The following BCHE variants were observed in gnomAD, a reference collection of about 807,000 sequenced individuals.
BCHE encodes the protein butyrylcholinesterase.
In BCHE, 48 loss-of-function variants were observed where a neutral mutation model predicts 51.3. The ratio of observed to expected loss-of-function variants is 0.94; its 90% CI spans 0.74 to 1.19. The LOEUF (loss-of-function observed/expected upper bound fraction) is 1.19, where lower values mean the gene tolerates loss of function less well. Ranked by LOEUF, BCHE falls within the 50% of genes most tolerant of loss-of-function variation. The probability of loss-of-function intolerance (pLI) is 0.00; values close to 1 mark genes in which losing one functional copy is unlikely to be tolerated. For synonymous variants in BCHE, 251 were observed against 238.0 expected, an observed-to-expected ratio of 1.05 and a Z score of -0.50; for missense variants, 847 against 708.2, an observed-to-expected ratio of 1.20 and a Z score of -2.23.
At chr3:165,810,665 C>T (rs1296175460) in intron 2 of BCHE, among the ~76,000 whole-genome samples, 1 of 152,076 alleles carries the variant, frequency 6.6e-6, no homozygotes, top group Non-Finnish European at 1.5e-5. Context: ...TGTTCGTTAG[C>T]TCTGTTTTGG....
chr3:165,816,742 A>T (rs1005345019), intron 2 of BCHE, among the ~76,000 whole-genome samples: 8 of 151,956 alleles, frequency 5.3e-5, no homozygotes, highest in African/African-American at 1.9e-4. Flanking sequence ...ATGTTCTCCT[A>T]GTTGCCCTCC....
chr3:165,802,694 G>A (rs1388462978), intron 2 of BCHE, among the ~76,000 whole-genome samples: 1 of 151,294 alleles, frequency 6.6e-6, no homozygotes, highest in East Asian at 1.9e-4. Flanking sequence ...GCATTTACAT[G>A]ATGTTTAATG....
intron 2 of BCHE, among the ~76,000 whole-genome samples, chr3:165,797,479 C>G (rs1021411694): frequency 6.6e-6 from 1 of 150,568 alleles, no homozygotes; most frequent in East Asian, 2.0e-4. Flanking sequence ...CCATTTTCAT[C>G]TTCCAGAGAC....
rs201791118 is a variant in BCHE at position 165,798,271 on chromosome 3, C to CTGTGTG, written c.1518-11966_1518-11961dup. Among the ~76,000 whole-genome samples the CTGTGTG allele has an allele frequency of 4.7e-5, 7 of 150,292 alleles. No homozygotes were observed. In the East Asian group the frequency reaches 1.2e-3, roughly 25 times the overall value. On this transcript the variant is annotated intron_variant, in intron 2 of 3. Transcript: ENST00000264381. ...TCAAATGAAAAATCAAAGTGTGTGT[C>CTGTGTG]TGTGTGTGTGTGTGTGTAGGTGTAT...
chr3:165,814,056 A>G (rs1386352264), intron 2 of BCHE, among the ~76,000 whole-genome samples: 1 of 152,020 alleles, frequency 6.6e-6, no homozygotes, highest in Non-Finnish European at 1.5e-5. Context: ...TCATTATAAT[A>G]AATATAGGTA....
chr3:165,811,087 T>C (rs998737909), intron 2 of BCHE, among the ~76,000 whole-genome samples: 1 of 152,124 alleles, frequency 6.6e-6, no homozygotes, highest in South Asian at 2.1e-4. Context: ...AATCTTTATT[T>C]TAAAAAATCA....
At chr3:165,801,049 T>A (rs1318412996) in intron 2 of BCHE, among the ~76,000 whole-genome samples, 1 of 152,170 alleles carries the variant, frequency 6.6e-6, no homozygotes, top group East Asian at 1.9e-4. Context: ...AAAGCCAACC[T>A]TCCTTCCTGC....
At chr3:165,820,672 T>C (rs1714482757) in intron 2 of BCHE, among the ~76,000 whole-genome samples, 1 of 151,970 alleles carries the variant, frequency 6.6e-6, no homozygotes, top group African/African-American at 2.4e-5. Flanking sequence ...CGTGAACTAT[T>C]ATCTGTCGGA....
chr3:165,821,706 C>A (rs1039738392), intron 2 of BCHE, among the ~76,000 whole-genome samples: 2 of 151,680 alleles, frequency 1.3e-5, no homozygotes, highest in African/African-American at 4.8e-5. Context: ...AAAATTGATT[C>A]CTTTAGGAAT....
intron 1 of BCHE, among the ~76,000 whole-genome samples, chr3:165,836,002 G>T (rs1412913672): frequency 6.6e-6 from 1 of 151,796 alleles, no homozygotes; most frequent in Non-Finnish European, 1.5e-5. Context: ...ATCAAGAAAT[G>T]ACTCGAAGAA....
At chr3:165,800,439 T>G (rs1011716500) in intron 2 of BCHE, among the ~76,000 whole-genome samples, 1 of 152,126 alleles carries the variant, frequency 6.6e-6, no homozygotes, top group Non-Finnish European at 1.5e-5. Flanking sequence ...AAGAGAAATA[T>G]GTCTTTATTA....
At chr3:165,785,814 T>G (rs1218110307) in intron 3 of BCHE, among the ~76,000 whole-genome samples, 2 of 151,746 alleles carry the variant, frequency 1.3e-5, no homozygotes, top group Admixed American at 6.6e-5. Flanking sequence ...ATTTATTTCT[T>G]TGTCCATTAA....
At chr3:165,790,475 G>A (rs1713125351) in intron 2 of BCHE, among the ~76,000 whole-genome samples, 1 of 152,180 alleles carries the variant, frequency 6.6e-6, no homozygotes, top group African/African-American at 2.4e-5. Flanking sequence ...TAAGAAAACT[G>A]TCATTGTAAT....
chr3:165,796,054 A>G (rs1162171186), intron 2 of BCHE, among the ~76,000 whole-genome samples: 4 of 152,176 alleles, frequency 2.6e-5, no homozygotes, highest in African/African-American at 9.6e-5. Context: ...TAAACTTTCT[A>G]GGAAATAAAA....
intron 2 of BCHE, among the ~76,000 whole-genome samples, chr3:165,827,176 A>G (rs1212549638): frequency 5.3e-5 from 8 of 152,154 alleles, no homozygotes; most frequent in Admixed American, 5.2e-4. Flanking sequence ...CTTTGAAAGT[A>G]GATAACGAAC....
At chr3:165,785,710 A>G (rs146082821) in intron 3 of BCHE, among the ~76,000 whole-genome samples, 261 of 151,582 alleles carry the variant, frequency 1.7e-3, no homozygotes, top group African/African-American at 6.1e-3. Flanking sequence ...TTTTTTCTCC[A>G]TTTAAATCAA....
intron 2 of BCHE, among the ~76,000 whole-genome samples, chr3:165,820,237 T>C (rs1714464201): frequency 1.3e-5 from 2 of 152,124 alleles, no homozygotes; most frequent in South Asian, 4.1e-4. Flanking sequence ...CATTCCACTG[T>C]CATTCATTGA....
At chr3:165,786,046 A>G (rs1248319131) in intron 3 of BCHE, 99 bp downstream of exon 3, 138 of 1,266,734 alleles carry the variant, frequency 1.1e-4, no homozygotes, top group Non-Finnish European at 1.3e-4. Flanking sequence ...TCAGAGATAC[A>G]TATAGTAACT....
At position 165,830,035 on chromosome 3, in the gene BCHE, T is replaced by G; in HGVS notation, c.999A>C (p.Ile333=). Residue 333 remains isoleucine, a synonymous_variant, in exon 2 of 4, where the codon ATA becomes ATC. Transcript: ENST00000264381. The part of the protein sequence containing the change: ...DGDFLTDMPD[I]LLELGQFKKT... ...TTTTAAATTGTCCAAGTTCAAGTAA[T>G]ATGTCTGGCATGTCAGTGAGAAAAT... 5 of 1,613,750 alleles carry G rather than the reference T, an allele frequency of 3.1e-6. No individual in the cohort carries two copies. The highest frequency in any genetic ancestry group is 1.3e-5 in the African/African-American group (1 of 75,014).
Sources: allele counts gnomAD v4.1 joint callset (sites outside exome capture counted in the v4.1 genomes callset), GRCh38; gene constraint gnomAD v4.1.1; transcripts MANE v1.5; gene names NCBI Gene and HGNC (gene_info 2026-07-23, HGNC 2026-07-21).